Variants in ITPR3 observed in about 807,000 individuals in gnomAD.
The protein encoded by ITPR3 is inositol 1,4,5-trisphosphate-gated calcium channel ITPR3.
In ITPR3, 173 loss-of-function variants were observed where a neutral mutation model predicts 293.2. That is an observed-to-expected ratio of 0.59 (90% CI 0.52 to 0.67). The LOEUF is 0.67. Ranked by LOEUF, ITPR3 falls within the 30% of genes least tolerant of loss-of-function variation. The pLI is 0.00. For synonymous variants in ITPR3, 1,295 were observed against 1,444.4 expected (o/e 0.90, Z 2.35); for missense variants, 2,796 against 3,592.1 (o/e 0.78, Z 5.66).
Position 33,664,825 on chromosome 6 carries a change from T to A in ITPR3, c.1149-45T>A, listed in dbSNP as rs1438633691. 3 of 1,556,148 alleles carry A rather than the reference T, an allele frequency of 1.9e-6. No homozygotes were observed. Among genetic ancestry groups the A allele is most frequent in the Non-Finnish European group, 2.7e-6 (3 of 1,131,412 alleles). On this transcript the variant is annotated intron_variant, in intron 11 of 57. Transcript: ENST00000605930. The surrounding 1 kb of genome is among the most constrained non-coding windows in gnomAD (Gnocchi z 4.4). ...TAGGCCGGCAGGCAGCATGACGTGC[T>A]CTGTGGTGCACTCCCCGAGTCCTTT...
intron 24 of ITPR3, among the ~76,000 whole-genome samples, chr6:33,674,635 A>G (rs1764858392): frequency 6.6e-6 from 1 of 152,224 alleles, no homozygotes; most frequent in African/African-American, 2.4e-5. Context: ...GCAGAGGCTC[A>G]CTGGGGGCTT....
rs1242099504 is a variant in ITPR3, at chr6:33,691,550, G to A, written c.7226-65G>A. 1 of 1,367,074 alleles carries A rather than the reference G, an allele frequency of 7.3e-7. No individual in the cohort carries two copies. The highest frequency in any genetic ancestry group is 1.2e-5 in the South Asian group (1 of 81,654). 84.7% of individuals were successfully genotyped at this position (1,367,074 alleles called of 1,614,324 possible). A position where few individuals can be genotyped will look rare whatever the true frequency, so the allele number is the denominator to read the frequency against. On this transcript the variant is annotated intron_variant, in intron 52 of 57. Coordinates refer to ENST00000605930, the MANE Select transcript of ITPR3 (RefSeq NM_002224.4). The surrounding 1 kb of genome is among the most constrained non-coding windows in gnomAD (Gnocchi z 4.9). ...GGTTTCCTGGAGGATGTGACACTGG[G>A]GACAGAGCCAGGGGATAAGGCCAGG...
intron 1 of ITPR3, among the ~76,000 whole-genome samples, chr6:33,635,702 AG>A (rs1382132028): frequency 6.6e-6 from 1 of 152,136 alleles, no homozygotes; most frequent in African/African-American, 2.4e-5. Context: ...CCATGGGAAC[AG>A]GCTTGTTTGA....
rs943982063 is a variant in ITPR3, at chr6:33,664,251, T to A, written c.1148+371T>A. ...ACGGAACATCAAGAAACTTCTCAAG[T>A]GTCAGTACAGGCTTTGGCGTGTCCT... On this transcript the variant is annotated intron_variant, in intron 11 of 57. Transcript: ENST00000605930. This position sits in a 1 kb window ranked among gnomAD's most constrained non-coding sequence, Gnocchi z 4.4. 6.6e-6 allele frequency among the ~76,000 whole-genome samples: 1 copy of A among 152,128 alleles called. No homozygotes were observed. Among genetic ancestry groups the A allele is most frequent in the African/African-American group, 2.4e-5 (1 of 41,416 alleles).
intron 1 of ITPR3, among the ~76,000 whole-genome samples, chr6:33,634,909 G>T (rs150989956): frequency 0.027 from 4,173 of 152,162 alleles, 75 homozygotes; most frequent in Non-Finnish European, 0.032. Context: ...TGAGGAGGGG[G>T]ACTCTGCGGC....
intron 2 of ITPR3, among the ~76,000 whole-genome samples, chr6:33,652,370 G>T (rs894830622): frequency 7.9e-5 from 12 of 152,208 alleles, no homozygotes; most frequent in African/African-American, 2.9e-4. Flanking sequence ...GCTTAACCAG[G>T]CCCTGCCAGC....
intron 56 of ITPR3, chr6:33,694,488 T>G (rs10672): frequency 4.3e-6 from 1 of 233,678 alleles, no homozygotes; most frequent in South Asian, 4.9e-5. Flanking sequence ...CGGAGCCTCC[T>G]GATCCCTCAA....
In ITPR3 at chr6:33,667,778, G is replaced by C. The variant is rs986340021; in HGVS notation, c.1714-14G>C. 1.7e-5 allele frequency: 28 copies of C among 1,613,518 alleles called. No individual in the cohort carries two copies. Among genetic ancestry groups the C allele is most frequent in the African/African-American group, 8.0e-5 (6 of 74,896 alleles). Reference sequence around the variant, plus strand: ...TGTGACTCTCTGTGACCCCCAGCCTGTCTGCCCCCCCAGGAGCACATTGCC... The same window carrying C: ...TGTGACTCTCTGTGACCCCCAGCCTCTCTGCCCCCCCAGGAGCACATTGCC... On this transcript the variant is annotated splice_polypyrimidine_tract_variant and intron_variant, in intron 15 of 57. Coordinates refer to ENST00000605930, the MANE Select transcript of ITPR3 (RefSeq NM_002224.4). This position sits in a 1 kb window ranked among gnomAD's most constrained non-coding sequence, Gnocchi z 4.4.
At position 33,623,321 on chromosome 6, in the gene ITPR3, G is replaced by GTTTTTTTTTTTTTTTT. The variant is rs150420581; in HGVS notation, c.89+1634_89+1635insTTTTTTTTTTTTTTTT. On this transcript the variant is annotated intron_variant, in intron 1 of 57. Coordinates refer to ENST00000605930, the MANE Select transcript of ITPR3 (RefSeq NM_002224.4). Reference sequence around the variant, plus strand: ...CATGATGATTTTCAAGTGCCTGTGAGTTTTGTTTTTTTTTTTTTTTTTTAA... The same window carrying GTTTTTTTTTTTTTTTT: ...CATGATGATTTTCAAGTGCCTGTGAGTTTTTTTTTTTTTTTTTTTTGTTTTTTTTTTTTTTTTTTAA... 3.4e-5 allele frequency among the ~76,000 whole-genome samples: 4 copies of GTTTTTTTTTTTTTTTT among 118,266 alleles called. 2 individuals carry two copies. Among genetic ancestry groups the GTTTTTTTTTTTTTTTT allele is most frequent in the Non-Finnish European group, 6.7e-5 (4 of 59,608 alleles). The allele number at this position is 118,266 out of a possible 152,430, so 77.6% of individuals were successfully genotyped here.
intron 27 of ITPR3, 66 bp from the exon 28 acceptor site, chr6:33,677,438 G>C: frequency 6.3e-7 from 1 of 1,590,622 alleles, no homozygotes; most frequent in Non-Finnish European, 8.6e-7. Flanking sequence ...CTTGGCTGTG[G>C]TGGGCTGGGC....
chr6:33,675,753 T>C lies in ITPR3; in HGVS notation c.3179T>C (p.Ile1060Thr). The part of the protein sequence containing the change: ...EGGRMFLRVL[I>T]HLTMHDYAPL... ...GGCCGCATGTTCCTGCGCGTGCTCA[T>C]CCACCTCACCATGCACGACTATGCG... The change falls in exon 25 of 58, where the codon ATC becomes ACC. Residue 1060 changes from isoleucine to threonine, a missense_variant. Ile to Thr is a moderately conservative substitution (Grantham distance 89). Around this residue, in one of 8 missense-constraint regions of ITPR3, gnomAD observed 955 missense variants for 1,180.8 expected, o/e 0.81. Coordinates refer to ENST00000605930, the MANE Select transcript of ITPR3 (RefSeq NM_002224.4). The surrounding 1 kb of genome is among the most constrained non-coding windows in gnomAD (Gnocchi z 5.0). The C allele has an allele frequency of 6.2e-7, 1 of 1,613,172 alleles. No individual in the cohort carries two copies. The highest frequency in any genetic ancestry group is 8.5e-7 in the Non-Finnish European group (1 of 1,179,894).
At chr6:33,635,262 G>T (rs1433327497) in intron 1 of ITPR3, among the ~76,000 whole-genome samples, 3 of 152,148 alleles carry the variant, frequency 2.0e-5, no homozygotes, top group Non-Finnish European at 4.4e-5. Context: ...CCCACGGCTG[G>T]TACCACCAGT....
At position 33,690,936 on chromosome 6, in the gene ITPR3, GCGAGGAGA is replaced by G; in HGVS notation, c.7055_7062del (p.Glu2352AlafsTer40). 6.2e-7 allele frequency: 1 copy of G among 1,614,070 alleles called. No homozygotes were observed. Among genetic ancestry groups the G allele is most frequent in the Non-Finnish European group, 8.5e-7 (1 of 1,180,006 alleles). On this transcript the variant is annotated frameshift_variant, in exon 52 of 58. Coordinates refer to ENST00000605930, the MANE Select transcript of ITPR3 (RefSeq NM_002224.4). LOFTEE classifies it high-confidence loss of function. ...CTGCAGCTCTTTGACCTCATCTACCGCGAGGAGACGCTGTTCAACGTCATCAAGAGTGT... is the reference window on the plus strand; with the variant it reads ...CTGCAGCTCTTTGACCTCATCTACCGCGCTGTTCAACGTCATCAAGAGTGT...
rs1765292093 is a variant in ITPR3, at chr6:33,688,269, A to T, written c.6406A>T (p.Ile2136Phe). 6.2e-7 allele frequency: 1 copy of T among 1,614,078 alleles called. No individual in the cohort carries two copies. Among genetic ancestry groups the T allele is most frequent in the South Asian group, 1.1e-5 (1 of 91,092 alleles). Reference sequence around the variant, plus strand: ...GCGGCAGGACCGCAGCATGGAGCAGATCGTGTTCCCAGTGCCCGGCATCTG... The same window carrying T: ...GCGGCAGGACCGCAGCATGGAGCAGTTCGTGTTCCCAGTGCCCGGCATCTG... Reference protein sequence around the residue: ...IVRQDRSMEQIVFPVPGICQF... With the variant: ...IVRQDRSMEQFVFPVPGICQF... The change falls in exon 48 of 58, where the codon ATC becomes TTC. Residue 2136 changes from isoleucine to phenylalanine, a missense_variant. Coordinates refer to ENST00000605930, the MANE Select transcript of ITPR3 (RefSeq NM_002224.4).
chr6:33,685,894 G>A, intron 41 of ITPR3, 67 bp downstream of exon 41: 1 of 1,540,172 alleles, frequency 6.5e-7, no homozygotes, highest in Non-Finnish European at 8.8e-7. Flanking sequence ...TAGGCAGTGT[G>A]GCTGGTGTCC....
chr6:33,677,181 C>G (rs1561873353), intron 27 of ITPR3, 92 bp downstream of exon 27: 1 of 1,118,602 alleles, frequency 8.9e-7, no homozygotes, highest in Non-Finnish European at 1.3e-6. Flanking sequence ...TCTCCCTGTG[C>G]TGGCCACTGG....
intron 21 of ITPR3, among the ~76,000 whole-genome samples, chr6:33,671,684 A>G (rs1212835159): frequency 2.6e-5 from 4 of 152,134 alleles, no homozygotes; most frequent in Admixed American, 6.5e-5. Context: ...ATCTAAACAA[A>G]AGGTGCCTAG....
chr6:33,656,018 G>C, intron 3 of ITPR3, 131 bp downstream of exon 3: 5 of 1,190,254 alleles, frequency 4.2e-6, no homozygotes, highest in Non-Finnish European at 5.9e-6. Context: ...ACTCGTATGG[G>C]CGTGACAGTT....
chr6:33,693,775 A>T, intron 56 of ITPR3, 70 bp downstream of exon 56: 2 of 1,553,446 alleles, frequency 1.3e-6, no homozygotes, highest in Middle Eastern at 2.1e-4. Context: ...TGTGCACCAG[A>T]GGCCTCATGG....
Sources: allele counts gnomAD v4.1 joint callset (sites outside exome capture counted in the v4.1 genomes callset), GRCh38; gene constraint gnomAD v4.1.1; regional missense constraint gnomAD v4.1.1; non-coding constraint Gnocchi (gnomAD v3.1); transcripts MANE v1.5; gene names NCBI Gene and HGNC (gene_info 2026-07-23, HGNC 2026-07-21).